AIG1: variants seen among roughly 807,000 people sequenced by gnomAD.
The protein encoded by AIG1 is androgen-induced gene 1 protein.
Under a neutral mutation model 31.4 loss-of-function variants are expected in AIG1, and 23 were observed. That is an observed-to-expected ratio of 0.73 (90% CI 0.53 to 1.04). The LOEUF (loss-of-function observed/expected upper bound fraction) is 1.04. Ranked by LOEUF, AIG1 falls within the 50% of genes least tolerant of loss-of-function variation. The pLI is 0.00. For synonymous variants in AIG1, 100 were observed against 110.5 expected (o/e 0.90, Z 0.60); for missense variants, 274 against 295.0 (o/e 0.93, Z 0.52).
chr6:143,094,529 C>T lies in AIG1; in HGVS notation c.141+33463C>T, dbSNP rs201631929. ...ACCAGCCGGTGAGTAGGGGAAAATA[C>T]CTTCTCAATAGAGCTGAGGTTTGTT... is the stretch of plus-strand genomic sequence containing the variant. On this transcript the variant is annotated intron_variant, in intron 1 of 5. Transcript: ENST00000357847. 5.3e-5 allele frequency among the ~76,000 whole-genome samples: 8 copies of T among 152,100 alleles called. No individual in the cohort carries two copies. In the East Asian group the frequency reaches 1.3e-3, roughly 26 times the overall value.
chr6:143,227,777 G>T (rs1793116939), intron 3 of AIG1, among the ~76,000 whole-genome samples: 1 of 152,148 alleles, frequency 6.6e-6, no homozygotes, highest in Admixed American at 6.5e-5. Flanking sequence ...TACTATCAGG[G>T]TGCACATGCA....
rs147678702 is a variant in AIG1, at chr6:143,184,688, C to T, written c.399+19505C>T. 4.2e-3 allele frequency among the ~76,000 whole-genome samples: 645 copies of T among 152,266 alleles called. 6 individuals carry two copies. Among genetic ancestry groups the T allele is most frequent in the African/African-American group, 0.015 (620 of 41,546 alleles). ...TCTCTCAGCTGAACTGAGGCAGCAG[C>T]CTCGTCTCTCATCTCCTGGCCTCTG... On this transcript the variant is annotated intron_variant, in intron 3 of 5. Transcript: ENST00000357847.
intron 3 of AIG1, among the ~76,000 whole-genome samples, chr6:143,185,399 C>A (rs899936960): frequency 3.9e-5 from 6 of 152,042 alleles, no homozygotes; most frequent in Admixed American, 1.3e-4. Flanking sequence ...TAAGCTGTGG[C>A]TAACACAGCA....
intron 3 of AIG1, among the ~76,000 whole-genome samples, chr6:143,273,735 A>G (rs766689621): frequency 5.3e-5 from 8 of 152,164 alleles, no homozygotes; most frequent in Non-Finnish European, 4.4e-5. Flanking sequence ...TTATAAAACC[A>G]TCAGATCTTG....
At position 143,333,185 on chromosome 6, in the gene AIG1, T is replaced by C. The variant is rs566582898; in HGVS notation, c.516-97T>C. 5.3e-5 allele frequency: 65 copies of C among 1,228,298 alleles called. No individual in the cohort carries two copies. In the African/African-American group the frequency reaches 9.8e-4, roughly 19 times the overall value. 76.1% of individuals were successfully genotyped at this position (1,228,298 alleles called of 1,614,324 possible). A position where few individuals can be genotyped will look rare whatever the true frequency, so the allele number is the denominator to read the frequency against. On this transcript the variant is annotated intron_variant, in intron 4 of 5. Coordinates refer to ENST00000357847, the MANE Select transcript of AIG1 (RefSeq NM_016108.4). The surrounding 1 kb of genome is among the most constrained non-coding windows in gnomAD (Gnocchi z 4.6). ...CTTGAGACTGGCAAATGCTGAAGCATGGGGAGAGTGAGGGAGTGTATATTT... is the reference window on the plus strand; with the variant it reads ...CTTGAGACTGGCAAATGCTGAAGCACGGGGAGAGTGAGGGAGTGTATATTT...
chr6:143,261,378 C>T (rs1795771247), intron 3 of AIG1, among the ~76,000 whole-genome samples: 1 of 152,116 alleles, frequency 6.6e-6, no homozygotes. Context: ...GTGATCCACC[C>T]GCCTCGGCCT....
At chr6:143,226,407 T>C (rs985099243) in intron 3 of AIG1, among the ~76,000 whole-genome samples, 5 of 151,722 alleles carry the variant, frequency 3.3e-5, no homozygotes, top group Admixed American at 6.6e-5. Flanking sequence ...GCCCAGCTAA[T>C]TTTTGTATTT....
At chr6:143,085,483 T>G (rs1306313145) in intron 1 of AIG1, among the ~76,000 whole-genome samples, 1 of 152,192 alleles carries the variant, frequency 6.6e-6, no homozygotes, top group Non-Finnish European at 1.5e-5. Flanking sequence ...TTTTCCAGCG[T>G]GCCCAACATT....
rs141349676 is a variant in AIG1 at position 143,333,511 on chromosome 6, G to A, written c.679+66G>A. Reference sequence around the variant, plus strand: ...GCCGGCAACAGTCTATGCAGAGACTGAGGGAAAATTCCACTGTAGCCTCTT... The same window carrying A: ...GCCGGCAACAGTCTATGCAGAGACTAAGGGAAAATTCCACTGTAGCCTCTT... On this transcript the variant is annotated intron_variant, in intron 5 of 5. Coordinates refer to ENST00000357847, the MANE Select transcript of AIG1 (RefSeq NM_016108.4). The surrounding 1 kb of genome is among the most constrained non-coding windows in gnomAD (Gnocchi z 4.6). 121 of 1,525,982 alleles carry A rather than the reference G, an allele frequency of 7.9e-5. No homozygotes were observed. Among genetic ancestry groups the A allele is most frequent in the Non-Finnish European group, 1.0e-4 (114 of 1,127,214 alleles). 94.5% of individuals were successfully genotyped at this position (1,525,982 alleles called of 1,614,324 possible).
chr6:143,103,226 A>C (rs1203936506), intron 1 of AIG1, among the ~76,000 whole-genome samples: 1 of 152,202 alleles, frequency 6.6e-6, no homozygotes, highest in Non-Finnish European at 1.5e-5. Context: ...GTCAGGCCCA[A>C]TCAACAGCAT....
intron 1 of AIG1, among the ~76,000 whole-genome samples, chr6:143,122,717 T>C (rs1782344186): frequency 6.6e-6 from 1 of 152,202 alleles, no homozygotes; most frequent in Non-Finnish European, 1.5e-5. Flanking sequence ...CACTGAGTTT[T>C]ATCTCATCCA....
intron 3 of AIG1, among the ~76,000 whole-genome samples, chr6:143,245,226 A>T (rs929088832): frequency 3.3e-5 from 5 of 152,242 alleles, no homozygotes; most frequent in East Asian, 1.9e-4. Flanking sequence ...ATATCATTTG[A>T]TGCTTACAAT....
At chr6:143,160,290 A>G (rs1355983411) in intron 2 of AIG1, among the ~76,000 whole-genome samples, 1 of 152,198 alleles carries the variant, frequency 6.6e-6, no homozygotes, top group African/African-American at 2.4e-5. Context: ...CCATTAATCA[A>G]TAAAGCTTCT....
chr6:143,272,884 A>G (rs949705433), intron 3 of AIG1, among the ~76,000 whole-genome samples: 3 of 152,202 alleles, frequency 2.0e-5, no homozygotes, highest in African/African-American at 7.2e-5. Context: ...TGATCCCAGC[A>G]CTTTGGGAGG....
chr6:143,150,628 G>A (rs1315016895), intron 2 of AIG1, among the ~76,000 whole-genome samples: 1 of 152,094 alleles, frequency 6.6e-6, no homozygotes, highest in Non-Finnish European at 1.5e-5. Context: ...GAAAATGCCT[G>A]CCCTATTAGA....
At chr6:143,240,665 A>T (rs976476706) in intron 3 of AIG1, among the ~76,000 whole-genome samples, 2 of 152,216 alleles carry the variant, frequency 1.3e-5, no homozygotes, top group African/African-American at 2.4e-5. Context: ...TTTGATTTTT[A>T]AAAAATTTCC....
intron 4 of AIG1, among the ~76,000 whole-genome samples, chr6:143,295,303 T>C (rs1798346724): frequency 6.6e-6 from 1 of 152,192 alleles, no homozygotes; most frequent in Admixed American, 6.5e-5. Flanking sequence ...TAGAACTGTC[T>C]ATCCAAAGGA....
At chr6:143,272,801 G>T (rs1463917364) in intron 3 of AIG1, among the ~76,000 whole-genome samples, 1 of 151,776 alleles carries the variant, frequency 6.6e-6, no homozygotes, top group African/African-American at 2.4e-5. Context: ...GCCTTTGAAG[G>T]CAATGCCAAG....
chr6:143,290,920 T>C (rs985685207), intron 4 of AIG1, among the ~76,000 whole-genome samples: 8 of 152,148 alleles, frequency 5.3e-5, no homozygotes, highest in African/African-American at 1.9e-4. Flanking sequence ...TGCTTCACTA[T>C]GCCCGTCTTC....
Sources: gnomAD v4.1 joint callset for allele counts (sites outside exome capture counted in the v4.1 genomes callset) on GRCh38, gnomAD v4.1.1 for gene constraint, Gnocchi (gnomAD v3.1) non-coding constraint, MANE v1.5 for transcripts, NCBI Gene and HGNC (gene_info 2026-07-23, HGNC 2026-07-21) for gene names.